ATRNL1: variants seen among roughly 807,000 people sequenced by gnomAD.
The protein encoded by ATRNL1 is attractin-like protein 1.
Under a neutral mutation model 182.7 loss-of-function variants are expected in ATRNL1, and 95 were observed. That is an observed-to-expected ratio of 0.52 (90% CI 0.44 to 0.62). The LOEUF is 0.62. ATRNL1 is among the 20% of genes least tolerant of loss of function. The probability of loss-of-function intolerance (pLI) is 0.00; values close to 1 mark genes in which losing one functional copy is unlikely to be tolerated. For missense variants in ATRNL1, 1,471 were observed against 1,679.5 expected, an observed-to-expected ratio of 0.88 and a Z score of 2.17; for synonymous variants, 576 against 568.3, an observed-to-expected ratio of 1.01 and a Z score of -0.19.
At chr10:115,504,048 A>G (rs76183322) in intron 24 of ATRNL1, among the ~76,000 whole-genome samples, 4,830 of 152,020 alleles carry the variant, frequency 0.032, 250 homozygotes, top group African/African-American at 0.11. Context: ...CAAATATATT[A>G]TTATTGGAAA....
At chr10:115,328,359 A>G (rs1206269280) in intron 18 of ATRNL1, among the ~76,000 whole-genome samples, 1 of 152,138 alleles carries the variant, frequency 6.6e-6, no homozygotes, top group Non-Finnish European at 1.5e-5. Context: ...ATACAGGTAT[A>G]TGTTGTATAA....
At chr10:115,440,599 T>C (rs1367641237) in intron 21 of ATRNL1, among the ~76,000 whole-genome samples, 4 of 151,954 alleles carry the variant, frequency 2.6e-5, no homozygotes, top group African/African-American at 9.7e-5. Flanking sequence ...TGTCTTCTTT[T>C]ATACCCTTAA....
At chr10:115,155,871 G>A (rs1846489227) in intron 5 of ATRNL1, among the ~76,000 whole-genome samples, 1 of 152,120 alleles carries the variant, frequency 6.6e-6, no homozygotes, top group South Asian at 2.1e-4. Context: ...TAGTCCAGTT[G>A]AGAGTGGGTG....
At chr10:115,430,276 A>C (rs1846094147) in intron 21 of ATRNL1, among the ~76,000 whole-genome samples, 1 of 151,976 alleles carries the variant, frequency 6.6e-6, no homozygotes, top group African/African-American at 2.4e-5. Context: ...TTGCTATTTC[A>C]TAGCATTAGC....
chr10:115,478,976 A>C (rs1413925955), intron 24 of ATRNL1, among the ~76,000 whole-genome samples: 2 of 151,628 alleles, frequency 1.3e-5, no homozygotes. Flanking sequence ...TGTGAATTAC[A>C]TGCCAATCAA....
At chr10:115,861,227 A>T (rs1951308649) in intron 28 of ATRNL1, among the ~76,000 whole-genome samples, 1 of 152,074 alleles carries the variant, frequency 6.6e-6, no homozygotes, top group African/African-American at 2.4e-5. Flanking sequence ...ACCCATCCTC[A>T]GTCCTCTGCT....
chr10:115,232,445 T>G (rs1554900216), intron 9 of ATRNL1, among the ~76,000 whole-genome samples: 1 of 152,228 alleles, frequency 6.6e-6, no homozygotes, highest in African/African-American at 2.4e-5. Context: ...GTACCCTTTT[T>G]TGATAATAAT....
intron 13 of ATRNL1, among the ~76,000 whole-genome samples, chr10:115,280,255 A>C (rs1554916390): frequency 6.6e-6 from 1 of 152,218 alleles, no homozygotes; most frequent in Non-Finnish European, 1.5e-5. Flanking sequence ...TAGAAGGTGA[A>C]GCAGAGAATC....
chr10:115,338,164 C>CA, intron 19 of ATRNL1, among the ~76,000 whole-genome samples: 1 of 152,114 alleles, frequency 6.6e-6, no homozygotes, highest in East Asian at 1.9e-4. Context: ...AGGTTGCTTC[C>CA]AAATTTTATC....
intron 26 of ATRNL1, among the ~76,000 whole-genome samples, chr10:115,552,188 AC>A (rs1378039369): frequency 1.3e-5 from 2 of 151,310 alleles, no homozygotes; most frequent in African/African-American, 4.8e-5. Flanking sequence ...GAGATTTTTA[AC>A]CACACTAGTT....
intron 8 of ATRNL1, among the ~76,000 whole-genome samples, chr10:115,205,615 A>G (rs936327226): frequency 4.0e-5 from 6 of 151,590 alleles, no homozygotes; most frequent in African/African-American, 1.2e-4. Context: ...TCTTAATGTG[A>G]TATTTACTAT....
At chr10:115,689,248 G>A (rs1191112247) in intron 26 of ATRNL1, among the ~76,000 whole-genome samples, 6 of 152,156 alleles carry the variant, frequency 3.9e-5, no homozygotes, top group African/African-American at 1.4e-4. Context: ...GCTCCAACTT[G>A]TCTGTTTCTT....
chr10:115,122,347 T>C (rs1334802725), intron 3 of ATRNL1, among the ~76,000 whole-genome samples: 4 of 151,884 alleles, frequency 2.6e-5, no homozygotes, highest in African/African-American at 7.2e-5. Context: ...TTTAAAATTA[T>C]AGCATTGTAT....
At chr10:115,669,639 A>G (rs1247827102) in intron 26 of ATRNL1, among the ~76,000 whole-genome samples, 2 of 152,256 alleles carry the variant, frequency 1.3e-5, no homozygotes, top group Non-Finnish European at 2.9e-5. Flanking sequence ...ATTGCTTTGT[A>G]ACAGTAGACC....
chr10:115,796,521 A>T (rs1033505236), intron 27 of ATRNL1, among the ~76,000 whole-genome samples: 8 of 152,066 alleles, frequency 5.3e-5, no homozygotes, highest in African/African-American at 1.9e-4. Context: ...AAGGAACCAC[A>T]TTTTTTCCAT....
chr10:115,366,586 G>T (rs1326899153), intron 19 of ATRNL1, among the ~76,000 whole-genome samples: 2 of 149,396 alleles, frequency 1.3e-5, no homozygotes, highest in Admixed American at 6.6e-5. Flanking sequence ...GATTTTGCTC[G>T]TTAGTTGATG....
Position 115,337,623 on chromosome 10 carries a change from G to A in ATRNL1, c.3175+3204G>A, listed in dbSNP as rs187541951. ...TCAATTGTTTTGCTTTTTAGATTCCGCAAATAAGTGAGAACATGCAATGTT... is the reference window on the plus strand; with the variant it reads ...TCAATTGTTTTGCTTTTTAGATTCCACAAATAAGTGAGAACATGCAATGTT... On this transcript the variant is annotated intron_variant, in intron 19 of 28. Transcript: ENST00000355044. Among the ~76,000 whole-genome samples the A allele has an allele frequency of 1.1e-3, 161 of 152,030 alleles. 2 individuals are homozygous for A. Among genetic ancestry groups the A allele is most frequent in the South Asian group, 7.1e-3 (34 of 4,806 alleles).
rs1391720414 is a variant in ATRNL1, at chr10:115,945,407, AG to A, written c.*633del. ...TTCAACTCATTCTGTGCAACTTCACAGGGGGTTTATTAGAATGCTCAGTGTA... is the reference window on the plus strand; with the variant it reads ...TTCAACTCATTCTGTGCAACTTCACAGGGGTTTATTAGAATGCTCAGTGTA... On this transcript the variant is annotated 3_prime_UTR_variant, in exon 29 of 29. Coordinates refer to ENST00000355044, the MANE Select transcript of ATRNL1 (RefSeq NM_207303.4). 2.6e-5 allele frequency: 4 copies of A among 152,292 alleles called. No homozygotes were observed. Among genetic ancestry groups the A allele is most frequent in the Admixed American group, 2.6e-4 (4 of 15,304 alleles). The allele number at this position is 152,292 out of a possible 1,614,324, so 9.4% of individuals were successfully genotyped here.
rs560948320 is a variant in ATRNL1 at position 115,490,257 on chromosome 10, T to C, written c.3654+20928T>C. On this transcript the variant is annotated intron_variant, in intron 24 of 28. Transcript: ENST00000355044. ...TGTGGTGTTCTCTGTATTTCCTGAA[T>C]TTGAATGTTGGCCTGCATTGCTAGG... Among the ~76,000 whole-genome samples the C allele has an allele frequency of 3.9e-5, 6 of 152,302 alleles. No homozygotes were observed. The South Asian group carries it at 1.2e-3, about 32-fold the overall frequency.
Sources: gnomAD v4.1 joint callset for allele counts (sites outside exome capture counted in the v4.1 genomes callset) on GRCh38, gnomAD v4.1.1 for gene constraint, MANE v1.5 for transcripts, NCBI Gene and HGNC (gene_info 2026-07-23, HGNC 2026-07-21) for gene names.